Variants in MAML3 observed in about 807,000 individuals in gnomAD.
MAML3 encodes the protein mastermind-like protein 3.
In MAML3, 27 loss-of-function variants were observed where a neutral mutation model predicts 101.9. That is an observed-to-expected ratio of 0.27 (90% CI 0.20 to 0.37). The LOEUF is 0.37. MAML3 is among the 10% of genes least tolerant of loss of function. MAML3 has a pLI of 1.00. For missense variants in MAML3, 1,316 were observed against 1,444.9 expected, an observed-to-expected ratio of 0.91 and a Z score of 1.45; for synonymous variants, 501 against 555.9, an observed-to-expected ratio of 0.90 and a Z score of 1.39.
chr4:140,125,807 C>T (rs897446595), intron 1 of MAML3, among the ~76,000 whole-genome samples: 8 of 152,122 alleles, frequency 5.3e-5, no homozygotes, highest in Admixed American at 3.9e-4. Flanking sequence ...GAGACAGAGT[C>T]TTGCTCTGTC....
intron 1 of MAML3, among the ~76,000 whole-genome samples, chr4:140,125,881 C>T (rs932690920): frequency 1.3e-5 from 2 of 152,098 alleles, no homozygotes; most frequent in Non-Finnish European, 2.9e-5. Flanking sequence ...CGGATTCAAG[C>T]GATTCTCCTG....
chr4:139,822,743 C>A (rs1730995887), intron 2 of MAML3, among the ~76,000 whole-genome samples: 1 of 152,186 alleles, frequency 6.6e-6, no homozygotes, highest in East Asian at 1.9e-4. Flanking sequence ...CATCTCGAAC[C>A]CTAATCAGGG....
intron 2 of MAML3, among the ~76,000 whole-genome samples, chr4:139,860,514 A>G (rs891411554): frequency 2.0e-5 from 3 of 152,240 alleles, no homozygotes; most frequent in Non-Finnish European, 2.9e-5. Flanking sequence ...TTGTTTTCCC[A>G]CAAAATGAAG....
intron 1 of MAML3, among the ~76,000 whole-genome samples, chr4:140,006,697 G>A (rs1419684996): frequency 6.6e-6 from 1 of 151,824 alleles, no homozygotes; most frequent in Non-Finnish European, 1.5e-5. Flanking sequence ...AAATACATCT[G>A]TTGACCTCTA....
At position 139,967,469 on chromosome 4, in the gene MAML3, GACACACACACACACACAC is replaced by G. The variant is rs4057112; in HGVS notation, c.469-76520_469-76503del. On this transcript the variant is annotated intron_variant, in intron 1 of 4. Transcript: ENST00000509479. ...AATGTTGTTAGTTTTCTTTTTAAGG[GACACACACACACACACAC>G]ACACACACACACACACACACACACA... Among the ~76,000 whole-genome samples the G allele has an allele frequency of 6.4e-5, 9 of 141,560 alleles. No homozygotes were observed. In the South Asian group the frequency reaches 7.2e-4, roughly 11 times the overall value. The allele number at this position is 141,560 out of a possible 152,430, so 92.9% of individuals were successfully genotyped here. A position where few individuals can be genotyped will look rare whatever the true frequency, so the allele number is the denominator to read the frequency against.
chr4:139,946,961 A>T (rs529488656), intron 1 of MAML3, among the ~76,000 whole-genome samples: 1 of 151,212 alleles, frequency 6.6e-6, no homozygotes, highest in African/African-American at 2.4e-5. Context: ...TCTTTAGAAA[A>T]GCAAAGTTTG....
intron 2 of MAML3, among the ~76,000 whole-genome samples, chr4:139,887,370 C>G (rs898273513): frequency 6.6e-6 from 1 of 152,260 alleles, no homozygotes; most frequent in Non-Finnish European, 1.5e-5. Flanking sequence ...AAAGAACATT[C>G]TGTCCACACT....
At chr4:139,904,798 G>T (rs386430766) in intron 1 of MAML3, among the ~76,000 whole-genome samples, 90 of 152,260 alleles carry the variant, frequency 5.9e-4, no homozygotes, top group Non-Finnish European at 1.1e-3. Context: ...ACACACCTGG[G>T]GTCTATTGCT....
intron 1 of MAML3, among the ~76,000 whole-genome samples, chr4:139,920,100 C>T (rs916168221): frequency 2.0e-5 from 3 of 152,188 alleles, no homozygotes; most frequent in Non-Finnish European, 4.4e-5. Context: ...ATGTTCATTA[C>T]AAGCACTGTT....
Position 139,750,963 on chromosome 4 carries a change from C to CTA in MAML3, c.2080-20298_2080-20297dup, listed in dbSNP as rs572981780. ...GTAGTGGGAGTGGAGATGTCTACTC[C>CTA]TATTTGGAACACCTGGCAAGCTGCC... On this transcript the variant is annotated intron_variant, in intron 2 of 4. Transcript: ENST00000509479. Among the ~76,000 whole-genome samples, 17 of 152,302 alleles carry CTA rather than the reference C, an allele frequency of 1.1e-4. No individual in the cohort carries two copies. The East Asian group carries it at 3.1e-3, about 28-fold the overall frequency.
At chr4:140,060,384 A>AAAAAAAAAAAAAAAAAAAAAAC (rs1727426311) in intron 1 of MAML3, among the ~76,000 whole-genome samples, 3 of 148,834 alleles carry the variant, frequency 2.0e-5, no homozygotes, top group Non-Finnish European at 4.5e-5. Context: ...AAAAAAAAAA[A>AAAAAAAAAAAAAAAAAAAAAAC]AGTCACAAGC....
At chr4:139,933,894 G>C (rs994024883) in intron 1 of MAML3, among the ~76,000 whole-genome samples, 1 of 152,190 alleles carries the variant, frequency 6.6e-6, no homozygotes, top group African/African-American at 2.4e-5. Flanking sequence ...GTGTGTGAAC[G>C]AGTGTGTGTC....
At chr4:139,853,340 A>G (rs756062002) in intron 2 of MAML3, among the ~76,000 whole-genome samples, 4 of 152,304 alleles carry the variant, frequency 2.6e-5, no homozygotes, top group South Asian at 4.1e-4. Flanking sequence ...ATGCTTGTAT[A>G]TATGTTCCAG....
chr4:139,782,376 G>A (rs1180617955), intron 2 of MAML3, among the ~76,000 whole-genome samples: 3 of 152,008 alleles, frequency 2.0e-5, no homozygotes, highest in Non-Finnish European at 4.4e-5. Flanking sequence ...TATGTTGCCC[G>A]GGCTGGTCTT....
chr4:139,924,448 C>T (rs1733183469), intron 1 of MAML3, among the ~76,000 whole-genome samples: 1 of 152,132 alleles, frequency 6.6e-6, no homozygotes, highest in Admixed American at 6.5e-5. Context: ...ACTTTTCCTC[C>T]CTTTTTCTAA....
At chr4:139,967,987 A>C (rs1734167743) in intron 1 of MAML3, among the ~76,000 whole-genome samples, 2 of 151,634 alleles carry the variant, frequency 1.3e-5, no homozygotes, top group Admixed American at 1.3e-4. Context: ...AAAAGAGAAA[A>C]GAAAAGAAAA....
At chr4:139,880,997 C>G (rs751816797) in intron 2 of MAML3, among the ~76,000 whole-genome samples, 3 of 152,098 alleles carry the variant, frequency 2.0e-5, no homozygotes, top group African/African-American at 4.8e-5. Flanking sequence ...GAGTGGTAAA[C>G]GACTTAGCAG....
intron 1 of MAML3, among the ~76,000 whole-genome samples, chr4:140,081,783 G>C (rs1046092788): frequency 6.6e-6 from 1 of 152,196 alleles, no homozygotes; most frequent in East Asian, 1.9e-4. Flanking sequence ...TAGGCTGCCC[G>C]TAGATCTCCA....
intron 1 of MAML3, among the ~76,000 whole-genome samples, chr4:140,039,799 G>T (rs994210101): frequency 6.6e-6 from 1 of 152,188 alleles, no homozygotes; most frequent in African/African-American, 2.4e-5. Context: ...GCTGTACAAT[G>T]CCTGGGATTT....
Sources: gnomAD v4.1 joint callset for allele counts (sites outside exome capture counted in the v4.1 genomes callset) on GRCh38, gnomAD v4.1.1 for gene constraint, MANE v1.5 for transcripts, NCBI Gene and HGNC (gene_info 2026-07-23, HGNC 2026-07-21) for gene names.